The following SPECC1 variants were observed in gnomAD, a reference collection of about 807,000 sequenced individuals.
SPECC1 encodes the protein cytospin-B.
A neutral mutation model predicts 104.1 loss-of-function variants in SPECC1; 62 were observed. That is an observed-to-expected ratio of 0.60 (90% CI 0.49 to 0.74). The LOEUF is 0.74. Among genes scored for constraint, SPECC1 ranks in the 30% least tolerant of loss-of-function variants. The pLI is 0.00. For missense variants in SPECC1, 1,306 were observed against 1,310.5 expected, an observed-to-expected ratio of 1.00 and a Z score of 0.05; for synonymous variants, 513 against 501.6, an observed-to-expected ratio of 1.02 and a Z score of -0.30.
chr17:20,095,152 G>T (rs2047584967), intron 1 of SPECC1, among the ~76,000 whole-genome samples: 1 of 152,106 alleles, frequency 6.6e-6, no homozygotes, highest in Admixed American at 6.5e-5. Flanking sequence ...TTTCATTGTT[G>T]CTGTGGAAAC....
chr17:20,199,952 C>T (rs1328187792), intron 3 of SPECC1, among the ~76,000 whole-genome samples: 1 of 152,010 alleles, frequency 6.6e-6, no homozygotes, highest in East Asian at 1.9e-4. Context: ...GCACCACCGC[C>T]CGGCTAATTT....
chr17:20,153,004 C>T (rs188747691), intron 3 of SPECC1, among the ~76,000 whole-genome samples: 258 of 152,218 alleles, frequency 1.7e-3, no homozygotes, highest in Middle Eastern at 3.4e-3. Flanking sequence ...TAGATTAGGG[C>T]CCCCCACCCT....
Position 20,203,718 on chromosome 17 carries a change from A to T in SPECC1, c.284-615A>T, listed in dbSNP as rs529507812. On this transcript the variant is annotated intron_variant, in intron 3 of 14. Coordinates refer to ENST00000395527, the MANE Select transcript of SPECC1 (RefSeq NM_001243439.2). ...ATTCACAAAGAACTTGTATTTTGTC[A>T]AAAGGCCATTGTTTTTGTTGCCAAC... is the stretch of plus-strand genomic sequence containing the variant. 6.6e-5 allele frequency among the ~76,000 whole-genome samples: 10 copies of T among 152,348 alleles called. No individual in the cohort carries two copies. In the East Asian group the frequency reaches 1.9e-3, roughly 29 times the overall value.
intron 3 of SPECC1, among the ~76,000 whole-genome samples, chr17:20,161,932 C>T (rs563045916): frequency 2.0e-5 from 3 of 151,578 alleles, no homozygotes; most frequent in Non-Finnish European, 2.9e-5. Context: ...GTACCTGGGA[C>T]TACAGGTGCG....
chr17:20,016,821 G>A (rs1213344729), intron 1 of SPECC1, among the ~76,000 whole-genome samples: 1 of 152,250 alleles, frequency 6.6e-6, no homozygotes, highest in Non-Finnish European at 1.5e-5. Context: ...CGCAGGGCGC[G>A]GGACTGGCAG....
chr17:20,212,197 T>G (rs1444748297), intron 4 of SPECC1, among the ~76,000 whole-genome samples: 8 of 152,158 alleles, frequency 5.3e-5, no homozygotes, highest in South Asian at 4.1e-4. Flanking sequence ...TAATAATAAT[T>G]CAACTTTAGG....
At chr17:20,178,371 A>G (rs986190564) in intron 3 of SPECC1, among the ~76,000 whole-genome samples, 1 of 152,008 alleles carries the variant, frequency 6.6e-6, no homozygotes, top group African/African-American at 2.4e-5. Context: ...TAGAGTGGAA[A>G]CTTCTGTGTT....
At chr17:20,262,111 GATTT>G (rs1163276862) in intron 12 of SPECC1, among the ~76,000 whole-genome samples, 1 of 152,172 alleles carries the variant, frequency 6.6e-6, no homozygotes, top group Non-Finnish European at 1.5e-5. Flanking sequence ...GAGTCAGTGA[GATTT>G]ATCCTCATTG....
intron 3 of SPECC1, among the ~76,000 whole-genome samples, chr17:20,177,578 G>A (rs937328475): frequency 2.6e-5 from 4 of 151,862 alleles, no homozygotes; most frequent in Non-Finnish European, 5.9e-5. Flanking sequence ...TTTAGTTAAC[G>A]GCATATCAAC....
At chr17:20,015,582 C>CTTTT (rs1469162594) in intron 1 of SPECC1, among the ~76,000 whole-genome samples, 5 of 81,050 alleles carry the variant, frequency 6.2e-5, no homozygotes, top group African/African-American at 2.1e-4. Context: ...TTCCGGGTCT[C>CTTTT]TATTTTTTTT....
chr17:20,202,572 C>T (rs1405430743), intron 3 of SPECC1, among the ~76,000 whole-genome samples: 4 of 152,176 alleles, frequency 2.6e-5, no homozygotes, highest in Admixed American at 2.0e-4. Flanking sequence ...CAGTATGGTA[C>T]TGCAAATGTA....
intron 12 of SPECC1, among the ~76,000 whole-genome samples, chr17:20,289,678 G>C (rs1194289251): frequency 7.2e-5 from 11 of 152,204 alleles, no homozygotes. Context: ...AGTGCACACG[G>C]CTTTGAATTG....
chr17:20,313,653 A>G (rs2041989886), intron 14 of SPECC1, among the ~76,000 whole-genome samples: 1 of 152,220 alleles, frequency 6.6e-6, no homozygotes. Context: ...TAATTTAGAA[A>G]CTTGGAAATC....
chr17:20,164,432 G>A (rs1411751634), intron 3 of SPECC1, among the ~76,000 whole-genome samples: 1 of 151,960 alleles, frequency 6.6e-6, no homozygotes, highest in Non-Finnish European at 1.5e-5. Flanking sequence ...CTCCCAAAGT[G>A]TTGACATTTG....
At chr17:20,052,171 C>A (rs1163773178) in intron 1 of SPECC1, among the ~76,000 whole-genome samples, 1 of 152,166 alleles carries the variant, frequency 6.6e-6, no homozygotes, top group Admixed American at 6.5e-5. Flanking sequence ...GTTTCAATAT[C>A]ATGTGCCTAG....
At chr17:20,112,324 T>C (rs2048533631) in intron 3 of SPECC1, 3 of 757,230 alleles carry the variant, frequency 4.0e-6, no homozygotes, top group East Asian at 2.5e-5. Context: ...TTATTGGATA[T>C]GTTAGAAGAA....
intron 1 of SPECC1, chr17:20,018,203 C>G (rs1319593494): frequency 6.6e-6 from 1 of 152,250 alleles, no homozygotes; most frequent in Non-Finnish European, 1.5e-5. Flanking sequence ...AGCCTCCTCC[C>G]AAGCTTGTAT....
At chr17:20,264,454 C>T (rs1393643752) in intron 12 of SPECC1, among the ~76,000 whole-genome samples, 7 of 109,896 alleles carry the variant, frequency 6.4e-5, no homozygotes, top group Admixed American at 1.0e-4. Context: ...TTTTTGGAGA[C>T]GGATTTTTTT....
chr17:20,276,976 C>T (rs981741805), intron 12 of SPECC1, among the ~76,000 whole-genome samples: 3 of 152,160 alleles, frequency 2.0e-5, no homozygotes, highest in Admixed American at 6.5e-5. Flanking sequence ...GGGAGCAGCC[C>T]GAAGTCAGGG....
Sources: gnomAD v4.1 joint callset for allele counts (sites outside exome capture counted in the v4.1 genomes callset) on GRCh38, gnomAD v4.1.1 for gene constraint, MANE v1.5 for transcripts, NCBI Gene and HGNC (gene_info 2026-07-23, HGNC 2026-07-21) for gene names.